Variants in PLEKHG1 observed in about 807,000 individuals in gnomAD.
PLEKHG1 encodes pleckstrin homology and RhoGEF domain containing G1, also known as pleckstrin homology domain-containing family G member 1.
PLEKHG1 carries 44 observed loss-of-function variants against 100.8 expected under a neutral mutation model. The observed-to-expected ratio is 0.44, with a 90% CI of 0.34 to 0.56. The LOEUF is 0.56. PLEKHG1 is among the 20% of genes least tolerant of loss of function. The pLI is 0.01. For missense variants in PLEKHG1, 1,545 were observed against 1,720.9 expected (o/e 0.90, Z 1.81); for synonymous variants, 640 against 662.5 (o/e 0.97, Z 0.52).
intron 15 of PLEKHG1, among the ~76,000 whole-genome samples, chr6:150,837,624 A>G (rs1025518844): frequency 1.3e-5 from 2 of 152,254 alleles, no homozygotes; most frequent in African/African-American, 2.4e-5. Flanking sequence ...CTGTGGGATC[A>G]GGCTCAGGGC....
intron 6 of PLEKHG1, 49 bp downstream of exon 7, chr6:150,800,918 G>A (rs370817932): frequency 6.6e-7 from 1 of 1,514,786 alleles, no homozygotes; most frequent in Non-Finnish European, 9.1e-7. Flanking sequence ...GGAGTTTTGT[G>A]TGTATATATT....
chr6:150,605,710 T>C (rs1444661824), intron 1 of PLEKHG1: 1 of 152,224 alleles, frequency 6.6e-6, no homozygotes, highest in Admixed American at 6.5e-5. Flanking sequence ...TTAATGATAT[T>C]GATGAGTTCC....
At chr6:150,774,656 T>C (rs905900308) in intron 3 of PLEKHG1, among the ~76,000 whole-genome samples, 13 of 147,466 alleles carry the variant, frequency 8.8e-5, no homozygotes, top group African/African-American at 1.5e-4. Context: ...TTCTCCTGCC[T>C]CAGCCTCCCA....
intron 3 of PLEKHG1, among the ~76,000 whole-genome samples, chr6:150,670,970 T>C (rs1779562022): frequency 6.7e-6 from 1 of 150,064 alleles, no homozygotes; most frequent in African/African-American, 2.5e-5. Context: ...AGTGAGAACA[T>C]ACAATGTTTG....
chr6:150,744,113 C>T (rs576437674), intron 2 of PLEKHG1, among the ~76,000 whole-genome samples: 3 of 152,208 alleles, frequency 2.0e-5, no homozygotes, highest in Non-Finnish European at 2.9e-5. Context: ...CTCGCTCTGT[C>T]GCCCAGGTTG....
chr6:150,712,748 G>A (rs1396069318), intron 3 of PLEKHG1, among the ~76,000 whole-genome samples: 1 of 152,154 alleles, frequency 6.6e-6, no homozygotes, highest in African/African-American at 2.4e-5. Context: ...CTGTCAGCTT[G>A]GATACCAAGT....
chr6:150,802,761 A>G (rs1172644924), intron 6 of PLEKHG1, among the ~76,000 whole-genome samples: 2 of 151,522 alleles, frequency 1.3e-5, no homozygotes, highest in Non-Finnish European at 2.9e-5. Flanking sequence ...CCCGGGTTCA[A>G]GCGATTCTCC....
At chr6:150,768,966 A>G (rs1312407093) in intron 3 of PLEKHG1, among the ~76,000 whole-genome samples, 2 of 152,048 alleles carry the variant, frequency 1.3e-5, no homozygotes, top group African/African-American at 4.8e-5. Flanking sequence ...GAAGAAACCT[A>G]TTTGCCCTGG....
At chr6:150,735,952 A>C (rs1782537454) in intron 2 of PLEKHG1, among the ~76,000 whole-genome samples, 1 of 152,248 alleles carries the variant, frequency 6.6e-6, no homozygotes, top group African/African-American at 2.4e-5. Flanking sequence ...AAGAAATTTC[A>C]ATGTAAGTTC....
At chr6:150,805,020 C>G (rs944558539) in intron 7 of PLEKHG1, among the ~76,000 whole-genome samples, 2 of 151,820 alleles carry the variant, frequency 1.3e-5, no homozygotes, top group Non-Finnish European at 2.9e-5. Flanking sequence ...ACCACAACCT[C>G]TGCCTCTGGG....
chr6:150,639,762 G>C (rs1247044774), intron 2 of PLEKHG1, among the ~76,000 whole-genome samples: 1 of 152,114 alleles, frequency 6.6e-6, no homozygotes, highest in Non-Finnish European at 1.5e-5. Context: ...AGTAGACTGG[G>C]AGGCAGACCA....
chr6:150,734,126 C>G (rs993400365), intron 2 of PLEKHG1, 34 bp downstream of exon 3: 1 of 1,573,268 alleles, frequency 6.4e-7, no homozygotes, highest in East Asian at 2.3e-5. Context: ...GTTTGCCATG[C>G]AGGAGAAATA....
At position 150,683,618 on chromosome 6, in the gene PLEKHG1, A is replaced by C; in HGVS notation, c.-99+32832A>C. 1 of 344,788 alleles carries C rather than the reference A, an allele frequency of 2.9e-6. No homozygotes were observed. The allele number at this position is 344,788 out of a possible 1,614,324, so 21.4% of individuals were successfully genotyped here. On this transcript the variant is annotated intron_variant, in intron 3 of 3. Transcript: ENST00000367326. This position sits in a 1 kb window ranked among gnomAD's most constrained non-coding sequence, Gnocchi z 4.0. ...TCATCACTTAGCTTCCTGTTGGGGA[A>C]AACCTTGGACACTGTGCATCCACCT...
At chr6:150,613,953 G>A (rs562558966) in intron 1 of PLEKHG1, among the ~76,000 whole-genome samples, 28 of 152,276 alleles carry the variant, frequency 1.8e-4, no homozygotes, top group African/African-American at 6.3e-4. Context: ...AAATAAGTTA[G>A]TCAGATTTCC....
intron 3 of PLEKHG1, among the ~76,000 whole-genome samples, chr6:150,705,757 T>G (rs994665686): frequency 3.3e-5 from 5 of 152,226 alleles, no homozygotes; most frequent in African/African-American, 1.2e-4. Flanking sequence ...ATATCACGTA[T>G]CAGAGGCGAT....
At chr6:150,720,339 G>A (rs1484764836), upstream of PLEKHG1, among the ~76,000 whole-genome samples, 2 of 152,052 alleles carry the variant, frequency 1.3e-5, no homozygotes, top group African/African-American at 4.8e-5. Context: ...TAATTGGAAG[G>A]TCTCACTTAC....
At position 150,786,476 on chromosome 6, in the gene PLEKHG1, CTTCTGG is replaced by C; in HGVS notation, c.582+18_582+23del. 6.4e-7 allele frequency: 1 copy of C among 1,553,952 alleles called. No individual in the cohort carries two copies. On this transcript the variant is annotated intron_variant, in intron 4 of 15. Coordinates refer to ENST00000358517, the Ensembl canonical transcript of PLEKHG1. ...GTGTCCAAGGTAAGCAGGGTTCATC[CTTCTGG>C]GCCAACTGAGACAGATACAGAGTAC...
intron 1 of PLEKHG1, among the ~76,000 whole-genome samples, chr6:150,631,270 T>C (rs1777735906): frequency 6.6e-6 from 1 of 152,240 alleles, no homozygotes; most frequent in Non-Finnish European, 1.5e-5. Flanking sequence ...TCTCTCTCAA[T>C]CTGTGTCTTT....
chr6:150,817,785 T>G (rs1420659555), intron 10 of PLEKHG1, among the ~76,000 whole-genome samples: 1 of 152,108 alleles, frequency 6.6e-6, no homozygotes, highest in Non-Finnish European at 1.5e-5. Context: ...CTTGAACTCC[T>G]GACCTTGTGA....
Sources: gnomAD v4.1 joint callset for allele counts (sites outside exome capture counted in the v4.1 genomes callset) on GRCh38, gnomAD v4.1.1 for gene constraint, Gnocchi (gnomAD v3.1) non-coding constraint, MANE v1.5 for transcripts, NCBI Gene and HGNC (gene_info 2026-07-23, HGNC 2026-07-21) for gene names.